CNTN6: variants seen among roughly 807,000 people sequenced by gnomAD.
The protein encoded by CNTN6 is contactin-6.
A neutral mutation model predicts 122.8 loss-of-function variants in CNTN6; 137 were observed. The ratio of observed to expected loss-of-function variants is 1.12; its 90% CI spans 0.97 to 1.29. The LOEUF (loss-of-function observed/expected upper bound fraction) is 1.29. Among genes scored for constraint, CNTN6 ranks in the 50% most tolerant of loss-of-function variants. The pLI, the probability that CNTN6 is intolerant of heterozygous loss-of-function variation, is 0.00. For missense variants in CNTN6, 1,634 were observed against 1,223.4 expected (o/e 1.34, Z -5.01); for synonymous variants, 570 against 426.0 (o/e 1.34, Z -4.16).
rs562020184 is a variant in CNTN6 at position 1,199,421 on chromosome 3, C to G, written c.56-21266C>G. Among the ~76,000 whole-genome samples the G allele has an allele frequency of 2.0e-5, 3 of 151,924 alleles. No homozygotes were observed. In the East Asian group the frequency reaches 5.8e-4, roughly 29 times the overall value. On this transcript the variant is annotated intron_variant, in intron 2 of 22. Coordinates refer to ENST00000446702, the MANE Select transcript of CNTN6 (RefSeq NM_001289080.2). ...TCTCAAACTCCTAGGCTCAAGCAGT[C>G]CCCCCACCTTGGCCCCCCAAAGTGC...
intron 1 of CNTN6, among the ~76,000 whole-genome samples, chr3:1,117,335 A>C (rs1172785616): frequency 2.6e-5 from 4 of 151,892 alleles, no homozygotes; most frequent in African/African-American, 9.7e-5. Context: ...AAGGTTAAAA[A>C]CAAAAATCAG....
intron 1 of CNTN6, among the ~76,000 whole-genome samples, chr3:1,130,183 G>C (rs1037310964): frequency 1.3e-5 from 2 of 151,980 alleles, no homozygotes; most frequent in Admixed American, 6.6e-5. Context: ...ACAGGACATT[G>C]ACTTTATTTC....
At chr3:1,261,489 T>C (rs1457352360) in intron 4 of CNTN6, among the ~76,000 whole-genome samples, 1 of 151,890 alleles carries the variant, frequency 6.6e-6, no homozygotes, top group East Asian at 1.9e-4. Flanking sequence ...CTGTACCTCA[T>C]TGGTTAAGGA....
intron 1 of CNTN6, among the ~76,000 whole-genome samples, chr3:1,122,888 T>C (rs1250749718): frequency 6.6e-6 from 1 of 151,918 alleles, no homozygotes; most frequent in Non-Finnish European, 1.5e-5. Context: ...TTGAATGTGC[T>C]ACTATAAGCA....
intron 2 of CNTN6, among the ~76,000 whole-genome samples, chr3:1,191,293 C>G (rs2093698832): frequency 6.6e-6 from 1 of 152,090 alleles, no homozygotes; most frequent in South Asian, 2.1e-4. Flanking sequence ...AGAATGGGAG[C>G]TGGCCACTGG....
At chr3:1,122,360 G>GAGGAAGGAAGGAAGGA (rs747394923) in intron 1 of CNTN6, among the ~76,000 whole-genome samples, 1 of 140,472 alleles carries the variant, frequency 7.1e-6, no homozygotes, top group Admixed American at 6.9e-5. Context: ...AGGAGGGAAG[G>GAGGAAGGAAGGAAGGA]AGGAAGGAAG....
chr3:1,385,474 A>G, intron 19 of CNTN6, 137 bp from the exon 20 acceptor site: 2 of 597,848 alleles, frequency 3.3e-6, no homozygotes, highest in Non-Finnish European at 5.6e-6. Context: ...AACCATTTTA[A>G]TTAGAAAACG....
At chr3:1,136,571 CT>C (rs1209813023) in intron 1 of CNTN6, among the ~76,000 whole-genome samples, 3 of 152,204 alleles carry the variant, frequency 2.0e-5, no homozygotes. Context: ...CTGCATGGTG[CT>C]TTTTTTAAGC....
At chr3:1,133,417 T>G (rs2092390277) in intron 1 of CNTN6, among the ~76,000 whole-genome samples, 1 of 152,184 alleles carries the variant, frequency 6.6e-6, no homozygotes, top group Non-Finnish European at 1.5e-5. Flanking sequence ...GCAGGTTATA[T>G]GAGTAAACTT....
chr3:1,384,527 C>G (rs1692450229), intron 19 of CNTN6, among the ~76,000 whole-genome samples: 1 of 146,626 alleles, frequency 6.8e-6, no homozygotes, highest in South Asian at 2.1e-4. Context: ...AGTAAAGAGA[C>G]AAGAACATTT....
At chr3:1,148,141 T>C (rs2092762681) in intron 2 of CNTN6, 78 bp downstream of exon 2, 25 of 1,074,396 alleles carry the variant, frequency 2.3e-5, no homozygotes, top group Non-Finnish European at 3.0e-5. Flanking sequence ...GAAGCAATTT[T>C]CAAAATGCAC....
intron 2 of CNTN6, among the ~76,000 whole-genome samples, chr3:1,176,377 C>T (rs2093448636): frequency 6.6e-6 from 1 of 152,128 alleles, no homozygotes; most frequent in Non-Finnish European, 1.5e-5. Flanking sequence ...AGATCGTGCA[C>T]CGCACCTGGG....
chr3:1,220,096 C>T (rs1185274178), intron 2 of CNTN6, among the ~76,000 whole-genome samples: 2 of 152,054 alleles, frequency 1.3e-5, no homozygotes, highest in African/African-American at 4.8e-5. Context: ...TGGCTTAATC[C>T]TGTAATCCCA....
At chr3:1,313,371 G>T (rs1699660578) in intron 7 of CNTN6, among the ~76,000 whole-genome samples, 1 of 151,984 alleles carries the variant, frequency 6.6e-6, no homozygotes, top group African/African-American at 2.4e-5. Flanking sequence ...TTGGACAATG[G>T]TCCTTTCATG....
At chr3:1,323,025 A>T (rs990200464) in intron 8 of CNTN6, among the ~76,000 whole-genome samples, 34 of 151,708 alleles carry the variant, frequency 2.2e-4, no homozygotes, top group African/African-American at 7.7e-4. Flanking sequence ...TTTCCATTTT[A>T]TATATAATAG....
intron 4 of CNTN6, among the ~76,000 whole-genome samples, chr3:1,252,846 C>T (rs566634721): frequency 6.6e-5 from 10 of 152,250 alleles, no homozygotes; most frequent in African/African-American, 2.2e-4. Context: ...TCTCCGAGAA[C>T]CTTCAGGCTG....
chr3:1,335,703 ATGT>A (rs1443746319), intron 11 of CNTN6, among the ~76,000 whole-genome samples: 2 of 152,152 alleles, frequency 1.3e-5, no homozygotes, highest in African/African-American at 4.8e-5. Flanking sequence ...GAGAAAAGAA[ATGT>A]TGTCCTATTA....
intron 8 of CNTN6, among the ~76,000 whole-genome samples, chr3:1,322,608 ATAAAG>A (rs1243902045): frequency 6.6e-6 from 1 of 151,644 alleles, no homozygotes; most frequent in African/African-American, 2.4e-5. Flanking sequence ...ATAATCAATG[ATAAAG>A]TAATTAGAGA....
chr3:1,312,264 A>T (rs1051212369), intron 7 of CNTN6, among the ~76,000 whole-genome samples: 2 of 151,860 alleles, frequency 1.3e-5, no homozygotes, highest in African/African-American at 4.8e-5. Flanking sequence ...GGATTGTTAC[A>T]GTGCTGTTTC....
Sources: allele counts gnomAD v4.1 joint callset (sites outside exome capture counted in the v4.1 genomes callset), GRCh38; gene constraint gnomAD v4.1.1; transcripts MANE v1.5; gene names NCBI Gene and HGNC (gene_info 2026-07-23, HGNC 2026-07-21).